ALOX5: variants seen among roughly 807,000 people sequenced by gnomAD.
ALOX5 encodes the protein polyunsaturated fatty acid 5-lipoxygenase.
A neutral mutation model predicts 87.9 loss-of-function variants in ALOX5; 64 were observed. The observed-to-expected ratio is 0.73, with a 90% CI of 0.60 to 0.90. ALOX5 has a LOEUF of 0.90. Ranked by LOEUF, ALOX5 falls within the 40% of genes least tolerant of loss-of-function variation. The pLI is 0.00. For synonymous variants in ALOX5, 388 were observed against 355.1 expected (o/e 1.09, Z -1.04); for missense variants, 822 against 907.5 (o/e 0.91, Z 1.21).
At chr10:45,396,524 A>G (rs1840513916) in intron 3 of ALOX5, among the ~76,000 whole-genome samples, 1 of 152,252 alleles carries the variant, frequency 6.6e-6, no homozygotes. Flanking sequence ...AACTGCCAAA[A>G]CTGACTCATG....
At chr10:45,379,748 T>G (rs1358936538) in intron 1 of ALOX5, among the ~76,000 whole-genome samples, 1 of 152,082 alleles carries the variant, frequency 6.6e-6, no homozygotes. Flanking sequence ...TTCTCAATGG[T>G]CCTGCAAGTG....
chr10:45,425,133 G>A lies in ALOX5; in HGVS notation c.834+1G>A. On this transcript the variant is annotated splice_donor_variant, in intron 6 of 13. Transcript: ENST00000374391. LOFTEE classifies it high-confidence loss of function. This position sits in a 1 kb window ranked among gnomAD's most constrained non-coding sequence, Gnocchi z 4.4. ...GCTCAGCTTGGAGCAGGAGGTCCAG[G>A]TAGGGGTTGATGGGCTGGGGAAGTG... 6.2e-7 allele frequency: 1 copy of A among 1,612,992 alleles called. No individual in the cohort carries two copies. Among genetic ancestry groups the A allele is most frequent in the Non-Finnish European group, 8.5e-7 (1 of 1,179,528 alleles).
chr10:45,415,549 G>A (rs1841253113), intron 4 of ALOX5, among the ~76,000 whole-genome samples: 1 of 151,102 alleles, frequency 6.6e-6, no homozygotes, highest in African/African-American at 2.4e-5. Flanking sequence ...TGCACGTTGT[G>A]CACATGTATC....
chr10:45,395,784 C>A, intron 2 of ALOX5, 71 bp from the exon 3 acceptor site: 1 of 1,407,518 alleles, frequency 7.1e-7, no homozygotes, highest in Non-Finnish European at 1.0e-6. Context: ...CTGAGGGAAG[C>A]CTGAACACTT....
chr10:45,382,170 G>C (rs191086173), intron 1 of ALOX5, among the ~76,000 whole-genome samples: 2 of 152,168 alleles, frequency 1.3e-5, no homozygotes, highest in Admixed American at 6.5e-5. Flanking sequence ...GAAGTGACTC[G>C]GGAGGTAAGC....
intron 4 of ALOX5, among the ~76,000 whole-genome samples, chr10:45,418,217 T>C (rs1841364578): frequency 6.6e-6 from 1 of 152,070 alleles, no homozygotes; most frequent in Non-Finnish European, 1.5e-5. Context: ...CCAAGGGGGC[T>C]GGACCACAAG....
At chr10:45,409,569 T>TTCTCTC (rs374670021) in intron 3 of ALOX5, among the ~76,000 whole-genome samples, 3 of 124,838 alleles carry the variant, frequency 2.4e-5, no homozygotes, top group Admixed American at 1.5e-4. Context: ...CTCTCTCTCT[T>TTCTCTC]TCTCTCTCTC....
chr10:45,407,551 G>A (rs983044923), intron 3 of ALOX5, among the ~76,000 whole-genome samples: 7 of 152,134 alleles, frequency 4.6e-5, no homozygotes, highest in Non-Finnish European at 1.0e-4. Flanking sequence ...CAAATTTAAA[G>A]GGAAAAGGGC....
At chr10:45,394,698 T>C (rs1588998106) in intron 2 of ALOX5, among the ~76,000 whole-genome samples, 1 of 152,212 alleles carries the variant, frequency 6.6e-6, no homozygotes, top group East Asian at 1.9e-4. Context: ...AATTTTGCAA[T>C]CTACTCATCT....
Position 45,415,328 on chromosome 10 carries a change from C to T in ALOX5, c.554+3015C>T, listed in dbSNP as rs190753747. ...GAAACCATTATTCTCAGCAAACTAT[C>T]GCAAGGACAAAAAACCAAACACCGC... On this transcript the variant is annotated intron_variant, in intron 4 of 13. Coordinates refer to ENST00000374391, the MANE Select transcript of ALOX5 (RefSeq NM_000698.5). Among the ~76,000 whole-genome samples the T allele has an allele frequency of 3.2e-3, 487 of 152,194 alleles. 4 individuals are homozygous for T. The highest frequency in any genetic ancestry group is 0.011 in the South Asian group (51 of 4,820).
intron 6 of ALOX5, among the ~76,000 whole-genome samples, chr10:45,426,025 T>A (rs867733015): frequency 1.3e-5 from 2 of 151,956 alleles, no homozygotes; most frequent in Admixed American, 6.6e-5. Context: ...TTTCCTAACC[T>A]CCTCCTCCTC....
At chr10:45,423,315 G>C (rs993129862) in intron 4 of ALOX5, among the ~76,000 whole-genome samples, 1 of 152,244 alleles carries the variant, frequency 6.6e-6, no homozygotes, top group Non-Finnish European at 1.5e-5. Context: ...GTGTGCCAGA[G>C]AGAGAAACTG....
intron 2 of ALOX5, among the ~76,000 whole-genome samples, chr10:45,385,493 G>A (rs1481798030): frequency 6.6e-6 from 1 of 152,198 alleles, no homozygotes. Context: ...TTCGGGACCA[G>A]GGGAGACAGA....
chr10:45,439,677 A>G (rs1842167121), intron 7 of ALOX5, among the ~76,000 whole-genome samples: 1 of 152,222 alleles, frequency 6.6e-6, no homozygotes, highest in African/African-American at 2.4e-5. Flanking sequence ...CAACCAGGTC[A>G]CCACAGAGCT....
chr10:45,420,513 C>T (rs1203812611), intron 4 of ALOX5, among the ~76,000 whole-genome samples: 1 of 152,256 alleles, frequency 6.6e-6, no homozygotes, highest in Admixed American at 6.5e-5. Context: ...CCCTGGGGCC[C>T]TTGCTAAAAT....
intron 1 of ALOX5, among the ~76,000 whole-genome samples, chr10:45,375,184 A>C (rs139497212): frequency 1.5e-3 from 221 of 151,982 alleles, no homozygotes; most frequent in Non-Finnish European, 2.3e-3. Flanking sequence ...GAGGGGCTGC[A>C]CTCCCTCCCA....
chr10:45,384,336 G>A (rs1341178560), intron 2 of ALOX5, among the ~76,000 whole-genome samples: 2 of 152,216 alleles, frequency 1.3e-5, no homozygotes, highest in Non-Finnish European at 2.9e-5. Flanking sequence ...GGTGAGCATA[G>A]AGAAGCTGTC....
At chr10:45,398,653 A>G (rs1158663429) in intron 3 of ALOX5, among the ~76,000 whole-genome samples, 1 of 152,242 alleles carries the variant, frequency 6.6e-6, no homozygotes, top group Non-Finnish European at 1.5e-5. Context: ...TTACAACTCA[A>G]TAAAGACAAA....
chr10:45,391,410 G>C (rs1377986532), intron 2 of ALOX5, among the ~76,000 whole-genome samples: 2 of 152,226 alleles, frequency 1.3e-5, no homozygotes, highest in African/African-American at 4.8e-5. Context: ...TGGTGCCCAG[G>C]CTGGGGTGCA....
Sources: gnomAD v4.1 joint callset for allele counts (sites outside exome capture counted in the v4.1 genomes callset) on GRCh38, gnomAD v4.1.1 for gene constraint, Gnocchi (gnomAD v3.1) non-coding constraint, MANE v1.5 for transcripts, NCBI Gene and HGNC (gene_info 2026-07-23, HGNC 2026-07-21) for gene names.